Variants in SORCS3 observed in about 807,000 individuals in gnomAD.
The protein encoded by SORCS3 is sortilin related VPS10 domain containing receptor 3.
A neutral mutation model predicts 146.3 loss-of-function variants in SORCS3; 57 were observed. The observed-to-expected ratio is 0.39, with a 90% CI of 0.31 to 0.49. The LOEUF (loss-of-function observed/expected upper bound fraction) is 0.49, where lower values mean the gene tolerates loss of function less well. Ranked by LOEUF, SORCS3 falls within the 20% of genes least tolerant of loss-of-function variation. The pLI is 0.92. For synonymous variants in SORCS3, 653 were observed against 618.5 expected (o/e 1.06, Z -0.83); for missense variants, 1,341 against 1,575.5 (o/e 0.85, Z 2.52).
intron 4 of SORCS3, among the ~76,000 whole-genome samples, chr10:105,014,750 G>A (rs986380531): frequency 6.6e-6 from 1 of 152,192 alleles, no homozygotes; most frequent in African/African-American, 2.4e-5. Flanking sequence ...TGGGACCTTT[G>A]GAAAGTGATT....
chr10:105,085,515 A>G (rs2055654403), intron 5 of SORCS3, among the ~76,000 whole-genome samples: 1 of 152,240 alleles, frequency 6.6e-6, no homozygotes, highest in Non-Finnish European at 1.5e-5. Flanking sequence ...GCTGGAGCTC[A>G]GGAGAAATAT....
intron 20 of SORCS3, among the ~76,000 whole-genome samples, chr10:105,243,187 G>A (rs1279255790): frequency 6.6e-6 from 1 of 150,704 alleles, no homozygotes; most frequent in Non-Finnish European, 1.5e-5. Flanking sequence ...AAGACCTGAT[G>A]GACTGACCAA....
intron 1 of SORCS3, among the ~76,000 whole-genome samples, chr10:104,742,779 A>G (rs1323935797): frequency 6.6e-6 from 1 of 152,226 alleles, no homozygotes. Context: ...GACTCAGGGC[A>G]GTCAGTGGTC....
rs776419972 is a variant in SORCS3, at chr10:105,043,012, A to G, written c.955-43A>G. 3.2e-6 allele frequency: 5 copies of G among 1,553,438 alleles called. No individual in the cohort carries two copies. The East Asian group carries it at 1.1e-4, about 35-fold the overall frequency. On this transcript the variant is annotated intron_variant, in intron 4 of 26. Transcript: ENST00000369701. ...GAAAACATCTGTATTCATGCCCAGCAGTGGTTCCTTGAGACTTACATTCTC... is the reference window on the plus strand; with the variant it reads ...GAAAACATCTGTATTCATGCCCAGCGGTGGTTCCTTGAGACTTACATTCTC...
chr10:104,726,926 C>T (rs977539049), intron 1 of SORCS3, among the ~76,000 whole-genome samples: 1 of 152,194 alleles, frequency 6.6e-6, no homozygotes, highest in African/African-American at 2.4e-5. Context: ...TGCTCCAATA[C>T]CATCTCTAGT....
At chr10:104,661,690 TAGATAGATAGAC>T (rs962769451) in intron 1 of SORCS3, among the ~76,000 whole-genome samples, 46 of 152,242 alleles carry the variant, frequency 3.0e-4, no homozygotes, top group African/African-American at 1.1e-3. Flanking sequence ...GATAGATAGA[TAGATAGATAGAC>T]AGATAGATAG....
intron 2 of SORCS3, among the ~76,000 whole-genome samples, chr10:104,848,783 C>T (rs2018236867): frequency 6.6e-6 from 1 of 152,184 alleles, no homozygotes; most frequent in Admixed American, 6.5e-5. Flanking sequence ...ATGTAAGCAG[C>T]CCTGCGCTCA....
intron 2 of SORCS3, among the ~76,000 whole-genome samples, chr10:104,847,745 T>A (rs2018222884): frequency 6.6e-6 from 1 of 152,194 alleles, no homozygotes; most frequent in Admixed American, 6.5e-5. Context: ...TTCACCTCTC[T>A]CCTCTCTTGC....
chr10:104,714,492 C>A (rs1465896322), intron 1 of SORCS3, among the ~76,000 whole-genome samples: 7 of 151,998 alleles, frequency 4.6e-5, no homozygotes, highest in Non-Finnish European at 8.8e-5. Context: ...AAAAACTTGT[C>A]TTCATTTTTG....
At chr10:104,660,168 ACAAAT>A (rs1357539705) in intron 1 of SORCS3, among the ~76,000 whole-genome samples, 1 of 152,200 alleles carries the variant, frequency 6.6e-6, no homozygotes, top group African/African-American at 2.4e-5. Context: ...TAAAAATGAG[ACAAAT>A]CAAAGCTCCT....
intron 3 of SORCS3, among the ~76,000 whole-genome samples, chr10:104,927,827 G>A (rs957793404): frequency 2.6e-5 from 4 of 151,446 alleles, no homozygotes; most frequent in African/African-American, 4.9e-5. Context: ...GTGGTGAGCC[G>A]AGATCGTACC....
chr10:104,754,701 A>G (rs1219892520), intron 1 of SORCS3, among the ~76,000 whole-genome samples: 3 of 152,204 alleles, frequency 2.0e-5, no homozygotes, highest in Non-Finnish European at 4.4e-5. Flanking sequence ...GATTCTCATC[A>G]AGCTTGTTTG....
chr10:104,850,651 C>T (rs572428059), intron 2 of SORCS3, among the ~76,000 whole-genome samples: 71 of 152,280 alleles, frequency 4.7e-4, no homozygotes, highest in Non-Finnish European at 4.7e-4. Flanking sequence ...TGAACTCACC[C>T]GAGGAAGCTT....
chr10:105,193,605 C>G (rs1043325785), intron 14 of SORCS3, among the ~76,000 whole-genome samples: 4 of 152,220 alleles, frequency 2.6e-5, no homozygotes, highest in East Asian at 3.9e-4. Flanking sequence ...GGCCACATTC[C>G]CTGTAGGCTA....
chr10:104,715,407 A>T lies in SORCS3; in HGVS notation c.627+73453A>T, dbSNP rs1377013032. On this transcript the variant is annotated intron_variant, in intron 1 of 26. Transcript: ENST00000369701. ...TTTGGACTCCAGGAGTTACACCATC[A>T]GCTCCCCTGGTTATCAGGCCATCAG... 2.0e-5 allele frequency among the ~76,000 whole-genome samples: 3 copies of T among 152,142 alleles called. No homozygotes were observed. In the East Asian group the frequency reaches 5.8e-4, roughly 29 times the overall value.
At chr10:104,673,141 T>C (rs1378676302) in intron 1 of SORCS3, among the ~76,000 whole-genome samples, 1 of 152,212 alleles carries the variant, frequency 6.6e-6, no homozygotes, top group African/African-American at 2.4e-5. Flanking sequence ...TGTGTTTGCA[T>C]GTTTGGATCT....
At chr10:105,149,326 A>G (rs898346306) in intron 9 of SORCS3, among the ~76,000 whole-genome samples, 7 of 152,158 alleles carry the variant, frequency 4.6e-5, no homozygotes, top group Non-Finnish European at 7.4e-5. Flanking sequence ...TCGGTAGAAA[A>G]CAAAATCGTA....
chr10:104,910,218 G>A (rs1279297867), intron 2 of SORCS3, among the ~76,000 whole-genome samples: 1 of 152,196 alleles, frequency 6.6e-6, no homozygotes, highest in Non-Finnish European at 1.5e-5. Flanking sequence ...ATGAGCAGGT[G>A]CCTGAGCAGG....
intron 1 of SORCS3, among the ~76,000 whole-genome samples, chr10:104,813,895 G>A (rs2017766692): frequency 6.6e-6 from 1 of 150,416 alleles, no homozygotes; most frequent in Non-Finnish European, 1.5e-5. Flanking sequence ...TTATCTCACT[G>A]ATGAAGTATA....
Sources: allele counts gnomAD v4.1 joint callset (sites outside exome capture counted in the v4.1 genomes callset), GRCh38; gene constraint gnomAD v4.1.1; transcripts MANE v1.5; gene names NCBI Gene and HGNC (gene_info 2026-07-23, HGNC 2026-07-21).